The following B3GNT4 variants were observed in gnomAD, a reference collection of about 807,000 sequenced individuals.
B3GNT4 encodes N-acetyllactosaminide beta-1,3-N-acetylglucosaminyltransferase 4.
B3GNT4 carries 2 observed loss-of-function variants against 2.7 expected under a neutral mutation model. That is an observed-to-expected ratio of 0.73 (90% CI 0.30 to 2.31). The LOEUF is 2.31. B3GNT4 is among the 30% of genes most tolerant of loss of function. The pLI, the probability that B3GNT4 is intolerant of heterozygous loss-of-function variation, is 0.12. For missense variants in B3GNT4, 708 were observed against 490.9 expected (o/e 1.44, Z -4.18); for synonymous variants, 280 against 203.4 (o/e 1.38, Z -3.20).
At position 122,208,312 on chromosome 12, in the gene B3GNT4, C is replaced by T; in HGVS notation, c.*924C>T. 6.3e-7 allele frequency: 1 copy of T among 1,578,968 alleles called. No individual in the cohort carries two copies. The highest frequency in any genetic ancestry group is 1.1e-5 in the South Asian group (1 of 90,430). ...TCGGTGCACAGACAGTCATGCCAAC[C>T]CTGGGCAGGGTGGCATCTGCCCCTG... On this transcript the variant is annotated 3_prime_UTR_variant, in exon 3 of 3. Transcript: ENST00000324189.
chr12:122,204,812 G>A (rs370584234), intron 2 of B3GNT4, 128 bp downstream of exon 2: 97 of 768,512 alleles, frequency 1.3e-4, no homozygotes, highest in Middle Eastern at 1.1e-3. Flanking sequence ...GGCCAAGGCG[G>A]GAGGATCGCT....
rs972895624 is a variant in B3GNT4, at chr12:122,207,328, G to A, written c.1077G>A (p.Met359Ile). The A allele has an allele frequency of 6.2e-7, 1 of 1,608,622 alleles. No individual in the cohort carries two copies. Among genetic ancestry groups the A allele is most frequent in the African/African-American group, 1.3e-5 (1 of 74,830 alleles). The change falls in exon 3 of 3, where the codon ATG (methionine) becomes ATA (isoleucine). Residue 359 changes from methionine to isoleucine, a missense_variant. Met to Ile is a conservative substitution (Grantham distance 10). Coordinates refer to ENST00000324189, the MANE Select transcript of B3GNT4 (RefSeq NM_030765.4). ...TCAGCCCCCTCGAGATGTGGACCAT[G>A]TGGGCACTGGTGACAGATGAGGGGC... ...HRLSPLEMWT[M>I]WALVTDEGLK...
rs1195428645 is a variant in B3GNT4, at chr12:122,206,543, A to G, written c.292A>G (p.Thr98Ala). ...GCCTAGCCGTCACCGTCTCTTCTTGACCTATCGTCACTGCCGAAATTTCTC... is the reference window on the plus strand; with the variant it reads ...GCCTAGCCGTCACCGTCTCTTCTTGGCCTATCGTCACTGCCGAAATTTCTC... ...SLPSRHRLFL[T>A]YRHCRNFSIL... Residue 98 changes from threonine to alanine, a missense_variant, in exon 3 of 3, where the codon ACC becomes GCC. Physicochemically the swap from Thr to Ala is moderately conservative, Grantham distance 58 (BLOSUM62 0). Coordinates refer to ENST00000324189, the MANE Select transcript of B3GNT4 (RefSeq NM_030765.4). 2 of 1,613,842 alleles carry G rather than the reference A, an allele frequency of 1.2e-6. No homozygotes were observed. Among genetic ancestry groups the G allele is most frequent in the Non-Finnish European group, 1.7e-6 (2 of 1,180,000 alleles).
At chr12:122,204,954 CAGG>C in intron 2 of B3GNT4, 1 of 477,104 alleles carries the variant, frequency 2.1e-6, no homozygotes, top group South Asian at 2.5e-5. Flanking sequence ...CGCTTGAACC[CAGG>C]AGTTCCAGGC....
In B3GNT4 at chr12:122,208,286, C is replaced by A. The variant is rs769830268; in HGVS notation, c.*898C>A. ...GCCAGGGCAGGATCTGCCGCCTCTT[C>A]TCGGTGCACAGACAGTCATGCCAAC... is the stretch of plus-strand genomic sequence containing the variant. On this transcript the variant is annotated 3_prime_UTR_variant, in exon 3 of 3. Transcript: ENST00000324189. 2.0e-6 allele frequency: 3 copies of A among 1,465,494 alleles called. No homozygotes were observed. The highest frequency in any genetic ancestry group is 2.8e-6 in the Non-Finnish European group (3 of 1,059,578). The allele number at this position is 1,465,494 out of a possible 1,614,324, so 90.8% of individuals were successfully genotyped here. A position where few individuals can be genotyped will look rare whatever the true frequency, so the allele number is the denominator to read the frequency against.
At position 122,208,444 on chromosome 12, in the gene B3GNT4, T is replaced by C. The variant is rs1373975846; in HGVS notation, c.*1056T>C. On this transcript the variant is annotated 3_prime_UTR_variant, in exon 3 of 3. Transcript: ENST00000324189. ...CCCGCTCCTCCCCTTCCTCCTGTGT[T>C]TTCTGACGGAGCTCTTCTATCTGTG... 3 of 1,613,956 alleles carry C rather than the reference T, an allele frequency of 1.9e-6. No individual in the cohort carries two copies. Among genetic ancestry groups the C allele is most frequent in the East Asian group, 2.2e-5 (1 of 44,904 alleles).
In B3GNT4 at chr12:122,208,430, C is replaced by G. The variant is rs1243741310; in HGVS notation, c.*1042C>G. Reference sequence around the variant, plus strand: ...CTGCTCCGACTCAGCCCGCTCCTCCCCTTCCTCCTGTGTTTTCTGACGGAG... The same window carrying G: ...CTGCTCCGACTCAGCCCGCTCCTCCGCTTCCTCCTGTGTTTTCTGACGGAG... On this transcript the variant is annotated 3_prime_UTR_variant, in exon 3 of 3. Coordinates refer to ENST00000324189, the MANE Select transcript of B3GNT4 (RefSeq NM_030765.4). 1 of 1,613,898 alleles carries G rather than the reference C, an allele frequency of 6.2e-7. No individual in the cohort carries two copies. Among genetic ancestry groups the G allele is most frequent in the Non-Finnish European group, 8.5e-7 (1 of 1,180,038 alleles).
At chr12:122,204,389 CCCGCGGCGGGACAGGGGCCACCCGGG>C in intron 1 of B3GNT4, 107 bp from the exon 2 acceptor site, 4 of 427,216 alleles carry the variant, frequency 9.4e-6, no homozygotes, top group Non-Finnish European at 1.7e-5. Flanking sequence ...CCTGGGGACG[CCCGCGGCGGGACAGGGGCCACCCGGG>C]CCGCGGCGCA....
rs1953975293 is a variant in B3GNT4 at position 122,208,197 on chromosome 12, G to T, written c.*809G>T. On this transcript the variant is annotated 3_prime_UTR_variant, in exon 3 of 3. Transcript: ENST00000324189. ...TGCAGTGCCCAAGGGCTAAGAACCA[G>T]GTCCAGCGCAAGCCTGAGACCACAG... 1 of 739,594 alleles carries T rather than the reference G, an allele frequency of 1.4e-6. No homozygotes were observed. Among genetic ancestry groups the T allele is most frequent in the Admixed American group, 2.0e-5 (1 of 49,882 alleles). 45.8% of individuals were successfully genotyped at this position (739,594 alleles called of 1,614,324 possible).
At chr12:122,206,015 T>G in intron 2 of B3GNT4, 2 of 377,896 alleles carry the variant, frequency 5.3e-6, no homozygotes, top group Non-Finnish European at 9.3e-6. Flanking sequence ...GTGCTCGAGT[T>G]TCCTGGAAGA....
At position 122,207,334 on chromosome 12, in the gene B3GNT4, A is replaced by C. The variant is rs1953944283; in HGVS notation, c.1083A>C (p.Ala361=). 1 of 1,607,540 alleles carries C rather than the reference A, an allele frequency of 6.2e-7. No individual in the cohort carries two copies. The highest frequency in any genetic ancestry group is 8.5e-7 in the Non-Finnish European group (1 of 1,176,340). The part of the protein sequence containing the change: ...LSPLEMWTMW[A]LVTDEGLKCA... ...CCCTCGAGATGTGGACCATGTGGGCACTGGTGACAGATGAGGGGCTCAAGT... is the reference window on the plus strand; with the variant it reads ...CCCTCGAGATGTGGACCATGTGGGCCCTGGTGACAGATGAGGGGCTCAAGT... Residue 361 remains alanine (A), a synonymous_variant, in exon 3 of 3, where the codon GCA becomes GCC. Transcript: ENST00000324189.
At position 122,206,372 on chromosome 12, in the gene B3GNT4, C is replaced by T; in HGVS notation, c.121C>T (p.Leu41=). The change falls in exon 3 of 3, where the codon CTG becomes TTG. Residue 41 remains leucine (L), a synonymous_variant. Coordinates refer to ENST00000324189, the MANE Select transcript of B3GNT4 (RefSeq NM_030765.4). ...GCTGGTCTCGTACAGCTTGGCTGTG[C>T]TGTTGCTCGGCTGCCTGCTCTTCCT... is the stretch of plus-strand genomic sequence containing the variant. ...CWLVSYSLAV[L]LLGCLLFLRK... is the part of the protein sequence containing the mutation. The T allele has an allele frequency of 1.2e-6, 2 of 1,608,906 alleles. No individual in the cohort carries two copies. Among genetic ancestry groups the T allele is most frequent in the Non-Finnish European group, 1.7e-6 (2 of 1,178,226 alleles).
intron 2 of B3GNT4, chr12:122,205,042 A>T: frequency 9.4e-6 from 2 of 212,624 alleles, no homozygotes; most frequent in South Asian, 1.7e-4. Flanking sequence ...AACCAACAAA[A>T]CCCTTAGCTC....
In B3GNT4 at chr12:122,207,707, A is replaced by C; in HGVS notation, c.*319A>C. On this transcript the variant is annotated 3_prime_UTR_variant, in exon 3 of 3. Transcript: ENST00000324189. Reference sequence around the variant, plus strand: ...ATTTTCTCTTTCAGATGCAAACAAAATCTTACACTCTTCTCCTTTGGATAC... The same window carrying C: ...ATTTTCTCTTTCAGATGCAAACAAACTCTTACACTCTTCTCCTTTGGATAC... 1.8e-6 allele frequency: 1 copy of C among 554,602 alleles called. No individual in the cohort carries two copies. Among genetic ancestry groups the C allele is most frequent in the Admixed American group, 2.2e-5 (1 of 45,488 alleles). The allele number at this position is 554,602 out of a possible 1,614,324, so 34.4% of individuals were successfully genotyped here. A position where few individuals can be genotyped will look rare whatever the true frequency, so the allele number is the denominator to read the frequency against.
Position 122,208,673 on chromosome 12 carries a change from C to A in B3GNT4, c.*1285C>A, listed in dbSNP as rs1004131039. ...GGGGGTGCTGTGGCTGTCATCTGAACCCCTCTTGGGGTCACTTTCCTTGAC... is the reference window on the plus strand; with the variant it reads ...GGGGGTGCTGTGGCTGTCATCTGAAACCCTCTTGGGGTCACTTTCCTTGAC... On this transcript the variant is annotated 3_prime_UTR_variant, in exon 3 of 3. Transcript: ENST00000324189. The A allele has an allele frequency of 6.9e-6, 9 of 1,297,062 alleles. No homozygotes were observed. Among genetic ancestry groups the A allele is most frequent in the East Asian group, 2.5e-5 (1 of 40,454 alleles). 80.3% of individuals were successfully genotyped at this position (1,297,062 alleles called of 1,614,324 possible).
In B3GNT4 at chr12:122,207,266, C is replaced by CCCTG; in HGVS notation, c.1020_1023dup (p.Tyr342ProfsTer3). ...CCGGCGGCCCCTGGACCCCTTAGAC[C>CCCTG]CCTGCCTGTATAGGGGGCTCCTGCT... is the stretch of plus-strand genomic sequence containing the variant. On this transcript the variant is annotated frameshift_variant, in exon 3 of 3. Transcript: ENST00000324189. LOFTEE classifies it low-confidence loss of function (END_TRUNC). 1 of 1,614,110 alleles carries CCCTG rather than the reference C, an allele frequency of 6.2e-7. No homozygotes were observed. The highest frequency in any genetic ancestry group is 8.5e-7 in the Non-Finnish European group (1 of 1,180,022).
chr12:122,204,785 G>C (rs766812153), intron 2 of B3GNT4, 101 bp downstream of exon 2: 1 of 1,048,424 alleles, frequency 9.5e-7, no homozygotes, highest in Middle Eastern at 2.9e-4. Context: ...CACGCCTGTA[G>C]TCCCAACGCT....
chr12:122,204,787 C>A, intron 2 of B3GNT4, 103 bp downstream of exon 2: 1 of 1,042,064 alleles, frequency 9.6e-7, no homozygotes, highest in Non-Finnish European at 1.4e-6. Context: ...CGCCTGTAGT[C>A]CCAACGCTTT....
chr12:122,204,849 A>G (rs1020859643), intron 2 of B3GNT4, 165 bp downstream of exon 2: 5 of 608,702 alleles, frequency 8.2e-6, no homozygotes, highest in Non-Finnish European at 1.5e-5. Context: ...AGACCAGCCC[A>G]GGCAACAAAA....
Sources: gnomAD v4.1 joint callset for allele counts on GRCh38, gnomAD v4.1.1 for gene constraint, MANE v1.5 for transcripts, NCBI Gene and HGNC (gene_info 2026-07-23, HGNC 2026-07-21) for gene names.